The following PLB1 variants were observed in gnomAD, a reference collection of about 807,000 sequenced individuals.
PLB1 encodes phospholipase B1, also known as phospholipase B1, membrane-associated.
A neutral mutation model predicts 227.4 loss-of-function variants in PLB1; 242 were observed. The observed-to-expected ratio is 1.06, with a 90% CI of 0.96 to 1.18. The LOEUF is 1.18. Among genes scored for constraint, PLB1 ranks in the 50% most tolerant of loss-of-function variants. The pLI is 0.00. For synonymous variants in PLB1, 757 were observed against 682.2 expected, an observed-to-expected ratio of 1.11 and a Z score of -1.71; for missense variants, 1,858 against 1,816.3, an observed-to-expected ratio of 1.02 and a Z score of -0.42.
chr2:28,613,792 C>T (rs1172017538), intron 43 of PLB1, among the ~76,000 whole-genome samples: 2 of 152,200 alleles, frequency 1.3e-5, no homozygotes, highest in Non-Finnish European at 2.9e-5. Flanking sequence ...AAAGCACAGA[C>T]CCCAGACTAC....
chr2:28,511,010 G>T (rs1484065720), intron 1 of PLB1, among the ~76,000 whole-genome samples: 1 of 152,056 alleles, frequency 6.6e-6, no homozygotes, highest in African/African-American at 2.4e-5. Context: ...ACACTAGCTT[G>T]TGGATTATAC....
chr2:28,632,985 T>C lies in PLB1; in HGVS notation c.4044T>C (p.Phe1348=), dbSNP rs1425008274. The change falls in exon 56 of 58, where the codon TTT becomes TTC. Residue 1348 remains phenylalanine, a synonymous_variant. Coordinates refer to ENST00000327757, the MANE Select transcript of PLB1 (RefSeq NM_153021.5). ...TDLTFFSEDC[F]HFSDRGHAEM... is the part of the protein sequence containing the mutation. ...TCACCTTCTTCTCCGAGGACTGTTT[T>C]CACTTCTCAGACCGCGGGCATGCCG... 1 of 1,614,116 alleles carries C rather than the reference T, an allele frequency of 6.2e-7. No homozygotes were observed. Among genetic ancestry groups the C allele is most frequent in the African/African-American group, 1.3e-5 (1 of 75,030 alleles).
chr2:28,631,138 G>T (rs79443531), intron 54 of PLB1, among the ~76,000 whole-genome samples: 2 of 147,350 alleles, frequency 1.4e-5, no homozygotes, highest in African/African-American at 5.1e-5. Flanking sequence ...AGACAACAGC[G>T]TGAGACCCTA....
In PLB1 at chr2:28,541,748, G is replaced by GC. The variant is rs1558708458; in HGVS notation, c.817dup (p.Gln273ProfsTer14). 4 of 1,613,950 alleles carry GC rather than the reference G, an allele frequency of 2.5e-6. No individual in the cohort carries two copies. Among genetic ancestry groups the GC allele is most frequent in the Non-Finnish European group, 3.4e-6 (4 of 1,180,030 alleles). On this transcript the variant is annotated frameshift_variant, in exon 13 of 58. Coordinates refer to ENST00000327757, the MANE Select transcript of PLB1 (RefSeq NM_153021.5). LOFTEE classifies it high-confidence loss of function. The stretch of plus-strand genomic sequence containing the variant: ...TCCTGGCCTCCAGCAGGTACAGTGA[G>GC]CAGGAGTCCTTCACCGTGGTTTTCC...
chr2:28,560,970 C>G (rs1312921803), intron 17 of PLB1, among the ~76,000 whole-genome samples: 1 of 152,212 alleles, frequency 6.6e-6, no homozygotes, highest in African/African-American at 2.4e-5. Flanking sequence ...ACGCTTTTCC[C>G]TCCATCACCC....
chr2:28,549,941 C>A, intron 15 of PLB1, 69 bp from the exon 16 acceptor site: 2 of 1,370,390 alleles, frequency 1.5e-6, no homozygotes, highest in Non-Finnish European at 2.1e-6. Context: ...TCACTGGATG[C>A]TGAAGCCTGA....
chr2:28,553,596 T>C (rs1318029907), intron 17 of PLB1, among the ~76,000 whole-genome samples: 1 of 152,210 alleles, frequency 6.6e-6, no homozygotes, highest in East Asian at 1.9e-4. Flanking sequence ...GCTATGGGCA[T>C]GTAACCTTGG....
chr2:28,539,167 C>T lies in PLB1; in HGVS notation c.687C>T (p.Gly229=), dbSNP rs1220919577. Residue 229 remains glycine, a synonymous_variant, in exon 11 of 58, where the codon GGC becomes GGT. Transcript: ENST00000327757. ...CAGAGGTCTCTCGTCAGTATCACGG[C>T]ACTTGGCTCAGGTAAAAGGGGAAGT... The part of the protein sequence containing the change: ...EVAEVSRQYH[G]TWLSPAPEPC... The T allele has an allele frequency of 1.2e-6, 2 of 1,613,420 alleles. No individual in the cohort carries two copies. The highest frequency in any genetic ancestry group is 1.1e-5 in the South Asian group (1 of 91,080).
At position 28,622,573 on chromosome 2, in the gene PLB1, G is replaced by C. The variant is rs1306974718; in HGVS notation, c.3527+1595G>C. On this transcript the variant is annotated intron_variant, in intron 49 of 57. Coordinates refer to ENST00000327757, the MANE Select transcript of PLB1 (RefSeq NM_153021.5). ...GAATTCATTGAACACCTGCAAAAGA[G>C]TGAACCCTAAGGTGGTTACTAAAAG... is the stretch of plus-strand genomic sequence containing the variant. 3.9e-5 allele frequency among the ~76,000 whole-genome samples: 6 copies of C among 152,244 alleles called. No homozygotes were observed. The East Asian group carries it at 1.2e-3, about 29-fold the overall frequency.
At chr2:28,525,753 G>A (rs1326475441) in intron 5 of PLB1, 152 bp from the exon 6 acceptor site, 26 of 900,146 alleles carry the variant, frequency 2.9e-5, no homozygotes, top group Admixed American at 5.4e-5. Context: ...ATGGCCACTT[G>A]AGGTGTGCCT....
chr2:28,626,942 G>A (rs1298503301), intron 51 of PLB1, among the ~76,000 whole-genome samples: 2 of 152,208 alleles, frequency 1.3e-5, no homozygotes, highest in Non-Finnish European at 2.9e-5. Flanking sequence ...GGCCCTGGGA[G>A]CCCAAACCTG....
At chr2:28,566,249 TG>T (rs34700848) in intron 19 of PLB1, among the ~76,000 whole-genome samples, 2 of 151,250 alleles carry the variant, frequency 1.3e-5, no homozygotes, top group Non-Finnish European at 2.9e-5. Context: ...CAGAATGGGG[TG>T]GGGGGGTGTG....
At chr2:28,582,582 A>G in intron 25 of PLB1, 77 bp downstream of exon 25, 3 of 1,156,380 alleles carry the variant, frequency 2.6e-6, no homozygotes, top group Non-Finnish European at 3.8e-6. Context: ...CAAATTCCTT[A>G]GAAAACCCAA....
At chr2:28,602,238 C>T (rs1684032870) in intron 38 of PLB1, among the ~76,000 whole-genome samples, 1 of 152,216 alleles carries the variant, frequency 6.6e-6, no homozygotes, top group South Asian at 2.1e-4. Flanking sequence ...CTCCCCACTA[C>T]TATCCGGGAC....
At chr2:28,623,714 A>G (rs780729927) in intron 49 of PLB1, among the ~76,000 whole-genome samples, 1 of 152,150 alleles carries the variant, frequency 6.6e-6, no homozygotes, top group Non-Finnish European at 1.5e-5. Context: ...TTCATTGGCT[A>G]TATCCCCTTT....
chr2:28,631,456 G>A (rs961960316), intron 54 of PLB1, among the ~76,000 whole-genome samples: 10 of 152,180 alleles, frequency 6.6e-5, no homozygotes, highest in African/African-American at 1.2e-4. Context: ...GCCCCAAAGG[G>A]TTCTCATGTT....
chr2:28,625,192 C>A, intron 50 of PLB1, 84 bp downstream of exon 50: 1 of 1,267,832 alleles, frequency 7.9e-7, no homozygotes, highest in Non-Finnish European at 1.1e-6. Context: ...GGGTCCCTCT[C>A]ACCACAGCAC....
Position 28,593,770 on chromosome 2 carries a change from G to C in PLB1, c.2321+16G>C, listed in dbSNP as rs1362893903. 5 of 1,608,878 alleles carry C rather than the reference G, an allele frequency of 3.1e-6. No homozygotes were observed. Among genetic ancestry groups the C allele is most frequent in the Non-Finnish European group, 4.3e-6 (5 of 1,175,678 alleles). On this transcript the variant is annotated intron_variant, in intron 33 of 57. Coordinates refer to ENST00000327757, the MANE Select transcript of PLB1 (RefSeq NM_153021.5). ...TGTCATACAGGTAATGTTAACCTTTGACCTCTCCCAGCGTTCCCCCCACAA... is the reference window on the plus strand; with the variant it reads ...TGTCATACAGGTAATGTTAACCTTTCACCTCTCCCAGCGTTCCCCCCACAA...
chr2:28,618,751 G>A (rs890946509), intron 46 of PLB1, among the ~76,000 whole-genome samples: 1 of 152,162 alleles, frequency 6.6e-6, no homozygotes, highest in African/African-American at 2.4e-5. Flanking sequence ...GACTCAGAGT[G>A]GCAGGTCTTA....
Sources: allele counts gnomAD v4.1 joint callset (sites outside exome capture counted in the v4.1 genomes callset), GRCh38; gene constraint gnomAD v4.1.1; transcripts MANE v1.5; gene names NCBI Gene and HGNC (gene_info 2026-07-23, HGNC 2026-07-21).